Variants in PANX1 observed in about 807,000 individuals in gnomAD.
PANX1 encodes pannexin 1.
Under a neutral mutation model 38.7 loss-of-function variants are expected in PANX1, and 30 were observed. The observed-to-expected ratio is 0.78, with a 90% CI of 0.58 to 1.05. The LOEUF (loss-of-function observed/expected upper bound fraction) is 1.05, where lower values mean the gene tolerates loss of function less well. Among genes scored for constraint, PANX1 ranks in the 50% least tolerant of loss-of-function variants. PANX1 has a pLI of 0.00. For missense variants in PANX1, 551 were observed against 517.2 expected, an observed-to-expected ratio of 1.07 and a Z score of -0.63; for synonymous variants, 230 against 212.2, an observed-to-expected ratio of 1.08 and a Z score of -0.73.
At chr11:94,147,629 G>T (rs980126848) in intron 1 of PANX1, among the ~76,000 whole-genome samples, 1 of 152,186 alleles carries the variant, frequency 6.6e-6, no homozygotes, top group Non-Finnish European at 1.5e-5. Context: ...GGGCTGCGTT[G>T]TTCATACCGT....
intron 2 of PANX1, among the ~76,000 whole-genome samples, chr11:94,156,690 T>G (rs61453521): frequency 0.034 from 5,151 of 151,736 alleles, 294 homozygotes; most frequent in African/African-American, 0.12. Context: ...ATCATTCATC[T>G]TTTTTTAAAA....
rs764971044 is a variant in PANX1, at chr11:94,179,631, A to G, written c.575A>G (p.Lys192Arg). 4.3e-6 allele frequency: 7 copies of G among 1,613,752 alleles called. No individual in the cohort carries two copies. Among genetic ancestry groups the G allele is most frequent in the Non-Finnish European group, 5.9e-6 (7 of 1,179,816 alleles). The change falls in exon 4 of 5, where the codon AAG becomes AGG. Residue 192 changes from lysine (K) to arginine (R), a missense_variant. Transcript: ENST00000227638. Reference sequence around the variant, plus strand: ...TGGGAGGTATCTGAAAGCCACTTCAAGTACCCAATTGTGGAGCAGTACTTG... The same window carrying G: ...TGGGAGGTATCTGAAAGCCACTTCAGGTACCCAATTGTGGAGCAGTACTTG... The part of the protein sequence containing the change: ...SLWEVSESHF[K>R]YPIVEQYLKT...
chr11:94,136,865 T>A (rs923118465), intron 1 of PANX1, among the ~76,000 whole-genome samples: 1 of 152,156 alleles, frequency 6.6e-6, no homozygotes, highest in African/African-American at 2.4e-5. Context: ...AAGAAAAGTT[T>A]ATGTGGCTCA....
intron 2 of PANX1, among the ~76,000 whole-genome samples, chr11:94,173,128 C>T (rs984454359): frequency 6.6e-6 from 1 of 151,770 alleles, no homozygotes; most frequent in Non-Finnish European, 1.5e-5. Context: ...CCAGAACAGA[C>T]ATCCTTCATG....
intron 1 of PANX1, among the ~76,000 whole-genome samples, chr11:94,141,276 G>A (rs1029574706): frequency 6.6e-6 from 1 of 152,092 alleles, no homozygotes; most frequent in Non-Finnish European, 1.5e-5. Context: ...GGCCAACCCC[G>A]CCCTACTTCT....
In PANX1 at chr11:94,137,184, G is replaced by A. The variant is rs571979990; in HGVS notation, c.181+7691G>A. Among the ~76,000 whole-genome samples the A allele has an allele frequency of 2.0e-5, 3 of 152,230 alleles. 1 individual carries two copies. The East Asian group carries it at 5.8e-4, about 30-fold the overall frequency. The stretch of plus-strand genomic sequence containing the variant: ...CTGGGTGTGGTGGCGCATGCCTGTA[G>A]TCCCAGCTACTTGGGAGGCTGAGAC... On this transcript the variant is annotated intron_variant, in intron 1 of 4. Coordinates refer to ENST00000227638, the MANE Select transcript of PANX1 (RefSeq NM_015368.4).
intron 2 of PANX1, chr11:94,175,639 C>T (rs564163432): frequency 3.2e-5 from 19 of 602,764 alleles, no homozygotes; most frequent in Middle Eastern, 8.6e-4. Context: ...GCCTGGCTTT[C>T]GTGGTTATGG....
chr11:94,160,896 A>G (rs1354345220), intron 2 of PANX1, among the ~76,000 whole-genome samples: 11 of 152,046 alleles, frequency 7.2e-5, no homozygotes, highest in African/African-American at 2.7e-4. Context: ...TGCTTCCTTC[A>G]GGAGCTCTTT....
At chr11:94,179,374 C>G (rs1044260832) in intron 3 of PANX1, among the ~76,000 whole-genome samples, 1 of 152,136 alleles carries the variant, frequency 6.6e-6, no homozygotes. Context: ...CAAATATTAA[C>G]TCATTTAATT....
Position 94,179,937 on chromosome 11 carries a change from C to T in PANX1, c.881C>T (p.Thr294Met), listed in dbSNP as rs577336224. The T allele has an allele frequency of 3.2e-5, 51 of 1,608,408 alleles. No homozygotes were observed. Among genetic ancestry groups the T allele is most frequent in the South Asian group, 4.4e-5 (4 of 90,318 alleles). Residue 294 changes from threonine (T) to methionine (M), a missense_variant, in exon 4 of 5, where the codon ACG becomes ATG. By Grantham distance (81) the Thr-to-Met change is moderately conservative (BLOSUM62 -1). Transcript: ENST00000227638. Reference sequence around the variant, plus strand: ...CTGCTGGCTCCCGTGGTTGTCTACACGCTGTTTGTTCCATTCCGACAGAAG... The same window carrying T: ...CTGCTGGCTCCCGTGGTTGTCTACATGCTGTTTGTTCCATTCCGACAGAAG... ...YVLLAPVVVY[T>M]LFVPFRQKTD...
chr11:94,159,112 G>A (rs1291832721), intron 2 of PANX1, among the ~76,000 whole-genome samples: 3 of 152,150 alleles, frequency 2.0e-5, no homozygotes, highest in Admixed American at 6.5e-5. Flanking sequence ...CTTGATCATG[G>A]TGGATAAGCT....
intron 2 of PANX1, among the ~76,000 whole-genome samples, chr11:94,158,819 C>T (rs1423891419): frequency 6.6e-6 from 1 of 152,184 alleles, no homozygotes; most frequent in South Asian, 2.1e-4. Flanking sequence ...GCATCCCTGT[C>T]TTGTGCCAGT....
chr11:94,175,941 G>T (rs965543881), intron 2 of PANX1: 2 of 970,980 alleles, frequency 2.1e-6, no homozygotes, highest in Admixed American at 6.2e-5. Context: ...TCTGTCTTGC[G>T]TCTGGGGCAG....
At chr11:94,140,897 TAAG>T (rs1334072555) in intron 1 of PANX1, among the ~76,000 whole-genome samples, 1 of 152,196 alleles carries the variant, frequency 6.6e-6, no homozygotes, top group Admixed American at 6.5e-5. Flanking sequence ...AACTTAGTAA[TAAG>T]AATAGCATTA....
intron 2 of PANX1, among the ~76,000 whole-genome samples, chr11:94,157,744 A>C (rs1024611773): frequency 6.6e-6 from 1 of 151,992 alleles, no homozygotes; most frequent in Non-Finnish European, 1.5e-5. Context: ...TCTTTAGTTT[A>C]CTTAGATCCC....
intron 1 of PANX1, among the ~76,000 whole-genome samples, chr11:94,138,103 A>G (rs1324479013): frequency 1.3e-5 from 2 of 152,098 alleles, no homozygotes; most frequent in African/African-American, 2.4e-5. Context: ...CAAAGTATAC[A>G]TAGACATTTT....
At chr11:94,155,243 G>A (rs1329597331) in intron 2 of PANX1, among the ~76,000 whole-genome samples, 2 of 151,962 alleles carry the variant, frequency 1.3e-5, no homozygotes, top group African/African-American at 4.8e-5. Flanking sequence ...CCAGCTACTC[G>A]GGAGGCTAAG....
In PANX1 at chr11:94,172,314, C is replaced by G. The variant is rs192956073; in HGVS notation, c.322-6055C>G. ...GGCACCACCCATCTACACCATTTCT[C>G]AAATTCTCTGTGCATGCAGATCACC... On this transcript the variant is annotated intron_variant, in intron 2 of 4. Coordinates refer to ENST00000227638, the MANE Select transcript of PANX1 (RefSeq NM_015368.4). 3.9e-5 allele frequency among the ~76,000 whole-genome samples: 6 copies of G among 151,910 alleles called. No homozygotes were observed. In the East Asian group the frequency reaches 9.6e-4, roughly 24 times the overall value.
chr11:94,161,979 G>A (rs1446914798), intron 2 of PANX1, among the ~76,000 whole-genome samples: 1 of 152,174 alleles, frequency 6.6e-6, no homozygotes, highest in Admixed American at 6.5e-5. Context: ...TTTGCCAGAG[G>A]TCCACTCCAG....
Sources: allele counts gnomAD v4.1 joint callset (sites outside exome capture counted in the v4.1 genomes callset), GRCh38; gene constraint gnomAD v4.1.1; transcripts MANE v1.5; gene names NCBI Gene and HGNC (gene_info 2026-07-23, HGNC 2026-07-21).